The following WDR37 variants were observed in gnomAD, a reference collection of about 807,000 sequenced individuals.
The protein encoded by WDR37 is WD repeat domain 37.
A neutral mutation model predicts 62.9 loss-of-function variants in WDR37; 19 were observed. The ratio of observed to expected loss-of-function variants is 0.30; its 90% CI spans 0.21 to 0.44. WDR37 has a LOEUF of 0.44. Ranked by LOEUF, WDR37 falls within the 20% of genes least tolerant of loss-of-function variation. WDR37 has a pLI of 1.00. For missense variants in WDR37, 474 were observed against 657.6 expected, an observed-to-expected ratio of 0.72 and a Z score of 3.05; for synonymous variants, 250 against 260.9, an observed-to-expected ratio of 0.96 and a Z score of 0.40.
At chr10:1,092,461 C>G (rs573632472) in intron 7 of WDR37, among the ~76,000 whole-genome samples, 16 of 151,800 alleles carry the variant, frequency 1.1e-4, no homozygotes, top group Non-Finnish European at 2.1e-4. Context: ...GCTCTGCCCC[C>G]CTGGGTTCAT....
chr10:1,096,083 C>T (rs1834564527), intron 8 of WDR37, 87 bp from the exon 9 acceptor site: 1 of 1,311,040 alleles, frequency 7.6e-7, no homozygotes, highest in Admixed American at 1.7e-5. Flanking sequence ...AAAGGTCTGA[C>T]TGCTGCTGCT....
intron 5 of WDR37, among the ~76,000 whole-genome samples, chr10:1,082,718 C>T (rs1447827126): frequency 3.3e-5 from 5 of 151,998 alleles, no homozygotes; most frequent in Non-Finnish European, 5.9e-5. Flanking sequence ...ATTTTGGAAG[C>T]AACACATGAG....
At chr10:1,110,272 C>G (rs1237747001) in intron 11 of WDR37, among the ~76,000 whole-genome samples, 1 of 152,192 alleles carries the variant, frequency 6.6e-6, no homozygotes, top group Admixed American at 6.5e-5. Context: ...CAGGTGGAGC[C>G]GTGGACGCCT....
rs1400143748 is a variant in WDR37 at position 1,129,521 on chromosome 10, G to A, written c.*177G>A. ...GAAATGTACAGAGAAATGTGTGGTC[G>A]TATTTTTTACTTTTGTCTTGTATAT... On this transcript the variant is annotated 3_prime_UTR_variant, in exon 14 of 14. Transcript: ENST00000263150. 18 of 1,023,140 alleles carry A rather than the reference G, an allele frequency of 1.8e-5. No homozygotes were observed. The highest frequency in any genetic ancestry group is 1.4e-4 in the South Asian group (8 of 55,216). The allele number at this position is 1,023,140 out of a possible 1,614,324, so 63.4% of individuals were successfully genotyped here.
chr10:1,084,541 GAGTCGCACACGGACCTGGCC>G lies in WDR37; in HGVS notation c.532+6_532+25del, dbSNP rs755457948. 4.6e-5 allele frequency: 75 copies of G among 1,613,716 alleles called. No homozygotes were observed. In the African/African-American group the frequency reaches 9.7e-4, roughly 21 times the overall value. On this transcript the variant is annotated splice_donor_5th_base_variant and intron_variant, in intron 6 of 13. Transcript: ENST00000263150. ...GGTGCTCGGGACTGCATCAGCCGGT[GAGTCGCACACGGACCTGGCC>G]AGCCTGCGGAAGCATGGCTGTGCTT...
intron 13 of WDR37, 79 bp from the exon 14 acceptor site, chr10:1,129,134 G>C: frequency 6.3e-7 from 1 of 1,574,926 alleles, no homozygotes; most frequent in Non-Finnish European, 8.7e-7. Flanking sequence ...TGAGTGATGT[G>C]GTTATTCATT....
At chr10:1,124,138 C>G in intron 11 of WDR37, 80 bp from the exon 12 acceptor site, 4 of 1,585,910 alleles carry the variant, frequency 2.5e-6, no homozygotes, top group Non-Finnish European at 2.6e-6. Flanking sequence ...TTCCCACCCA[C>G]TTGGTCAGGG....
chr10:1,057,584 A>G (rs1183762806), intron 1 of WDR37, among the ~76,000 whole-genome samples: 1 of 152,162 alleles, frequency 6.6e-6, no homozygotes, highest in Non-Finnish European at 1.5e-5. Flanking sequence ...CTTCCCCCTG[A>G]AAGCAGCCAC....
chr10:1,126,922 C>T (rs1014620012), intron 13 of WDR37, among the ~76,000 whole-genome samples: 16 of 152,186 alleles, frequency 1.1e-4, no homozygotes, highest in Non-Finnish European at 2.1e-4. Context: ...AGAAAAATTT[C>T]ATGAAATTAG....
intron 13 of WDR37, 197 bp downstream of exon 13, chr10:1,125,221 G>GTTTT: frequency 2.1e-6 from 1 of 484,214 alleles, no homozygotes; most frequent in Non-Finnish European, 2.7e-6. Context: ...CTACTTCAGT[G>GTTTT]TTTTTTTTTT....
rs761341916 is a variant in WDR37 at position 1,113,648 on chromosome 10, A to G, written c.1103+8381A>G. 6.6e-5 allele frequency among the ~76,000 whole-genome samples: 10 copies of G among 152,348 alleles called. No individual in the cohort carries two copies. In the Middle Eastern group the frequency reaches 0.01, roughly 155 times the overall value. On this transcript the variant is annotated intron_variant, in intron 11 of 13. Coordinates refer to ENST00000263150, the MANE Select transcript of WDR37 (RefSeq NM_014023.4). ...AGACGTTGAGGGGTTCAAGGCTTCA[A>G]TGGAGAAAGTCACTGCAGGTGTGGT...
intron 11 of WDR37, 60 bp from the exon 12 acceptor site, chr10:1,124,158 G>A (rs553685438): frequency 1.2e-6 from 2 of 1,605,326 alleles, no homozygotes; most frequent in East Asian, 2.2e-5. Flanking sequence ...GTTGTGTGTG[G>A]GGTGTGGTGT....
At chr10:1,062,409 CGAACTTGTA>C (rs1833402297) in intron 1 of WDR37, among the ~76,000 whole-genome samples, 1 of 152,128 alleles carries the variant, frequency 6.6e-6, no homozygotes, top group Admixed American at 6.5e-5. Context: ...TTTTTGGTAA[CGAACTTGTA>C]GAATGTCTGG....
At chr10:1,096,918 G>T (rs1037201137) in intron 9 of WDR37, among the ~76,000 whole-genome samples, 3 of 152,200 alleles carry the variant, frequency 2.0e-5, no homozygotes, top group Non-Finnish European at 2.9e-5. Flanking sequence ...GAGAATGCAG[G>T]TATCATAGAC....
intron 3 of WDR37, 57 bp downstream of exon 3, chr10:1,078,060 T>G: frequency 3.0e-6 from 4 of 1,333,406 alleles, no homozygotes; most frequent in Non-Finnish European, 3.2e-6. Flanking sequence ...TAGTCAAATT[T>G]ATGAATAGAC....
Position 1,103,505 on chromosome 10 carries a change from A to C in WDR37, c.727-97A>C. 7 of 1,300,714 alleles carry C rather than the reference A, an allele frequency of 5.4e-6. No individual in the cohort carries two copies. The highest frequency in any genetic ancestry group is 7.5e-6 in the Non-Finnish European group (7 of 937,146). 80.6% of individuals were successfully genotyped at this position (1,300,714 alleles called of 1,614,324 possible). A position where few individuals can be genotyped will look rare whatever the true frequency, so the allele number is the denominator to read the frequency against. ...GACCATCATGATGGATATGTCCTCAAGAGATTAATGAGAACCATCTATTTT... is the reference window on the plus strand; with the variant it reads ...GACCATCATGATGGATATGTCCTCACGAGATTAATGAGAACCATCTATTTT... On this transcript the variant is annotated intron_variant, in intron 9 of 13. Coordinates refer to ENST00000263150, the MANE Select transcript of WDR37 (RefSeq NM_014023.4). This position sits in a 1 kb window ranked among gnomAD's most constrained non-coding sequence, Gnocchi z 6.3.
At chr10:1,124,119 C>T in intron 11 of WDR37, 99 bp from the exon 12 acceptor site, 1 of 1,546,218 alleles carries the variant, frequency 6.5e-7, no homozygotes, top group South Asian at 1.2e-5. Context: ...TTGCGCTTCT[C>T]CGACCTCCTT....
At position 1,119,497 on chromosome 10, in the gene WDR37, C is replaced by T. The variant is rs535302747; in HGVS notation, c.1104-4721C>T. Among the ~76,000 whole-genome samples, 6 of 152,278 alleles carry T rather than the reference C, an allele frequency of 3.9e-5. No individual in the cohort carries two copies. The East Asian group carries it at 1.2e-3, about 29-fold the overall frequency. ...AAAGGTTCTTACTAATTCAGTTAGT[C>T]AAATCTTAGGGAGGCTTTAGCATAG... On this transcript the variant is annotated intron_variant, in intron 11 of 13. Transcript: ENST00000263150.
At chr10:1,062,184 T>C (rs1833392299) in intron 1 of WDR37, among the ~76,000 whole-genome samples, 1 of 151,580 alleles carries the variant, frequency 6.6e-6, no homozygotes, top group Non-Finnish European at 1.5e-5. Flanking sequence ...TCCAGGGAGG[T>C]GATTGTAGGA....
Sources: gnomAD v4.1 joint callset for allele counts (sites outside exome capture counted in the v4.1 genomes callset) on GRCh38, gnomAD v4.1.1 for gene constraint, Gnocchi (gnomAD v3.1) non-coding constraint, MANE v1.5 for transcripts, NCBI Gene and HGNC (gene_info 2026-07-23, HGNC 2026-07-21) for gene names.